Variants in RPH3AL observed in about 807,000 individuals in gnomAD.
RPH3AL encodes the protein rab effector Noc2.
In RPH3AL, 38 loss-of-function variants were observed where a neutral mutation model predicts 43.1. The ratio of observed to expected loss-of-function variants is 0.88; its 90% CI spans 0.68 to 1.15. The LOEUF is 1.15. Among genes scored for constraint, RPH3AL ranks in the 50% most tolerant of loss-of-function variants. The pLI is 0.00. For synonymous variants in RPH3AL, 189 were observed against 176.3 expected (o/e 1.07, Z -0.57); for missense variants, 462 against 423.2 (o/e 1.09, Z -0.81).
intron 2 of RPH3AL, chr17:331,475 G>A (rs894753041): frequency 3.4e-5 from 33 of 966,630 alleles, no homozygotes; most frequent in African/African-American, 1.2e-4. Context: ...GCTCTGGGAC[G>A]GCTGTGCACC....
chr17:258,494 G>A (rs2042119581), intron 6 of RPH3AL, among the ~76,000 whole-genome samples: 1 of 152,180 alleles, frequency 6.6e-6, no homozygotes, highest in African/African-American at 2.4e-5. Context: ...GGGTGTGCTG[G>A]TGGGGAGGAA....
chr17:244,378 C>A (rs914823014), intron 7 of RPH3AL, among the ~76,000 whole-genome samples: 1 of 151,116 alleles, frequency 6.6e-6, no homozygotes, highest in Non-Finnish European at 1.5e-5. Context: ...GCTACAGGTG[C>A]ATGAGCCTAA....
At chr17:273,212 G>T (rs62052701) in intron 6 of RPH3AL, among the ~76,000 whole-genome samples, 142 of 1,874 alleles carry the variant, frequency 0.076, 26 homozygotes, top group East Asian at 0.44. Context: ...CGAGGGTGAC[G>T]TCAGGGTGAG....
rs557136597 is a variant in RPH3AL at position 276,816 on chromosome 17, T to G, written c.438+4952A>C. Among the ~76,000 whole-genome samples, 125 of 152,334 alleles carry G rather than the reference T, an allele frequency of 8.2e-4. 1 individual carries two copies. Among genetic ancestry groups the G allele is most frequent in the African/African-American group, 2.9e-3 (122 of 41,582 alleles). On this transcript the variant is annotated intron_variant, in intron 6 of 9. Transcript: ENST00000331302. ...AGCTGTTATATTTTCCATTTCTCCCTCTTTTCTTAATGTGGCTGGTGGACA... is the reference window on the plus strand; with the variant it reads ...AGCTGTTATATTTTCCATTTCTCCCGCTTTTCTTAATGTGGCTGGTGGACA...
chr17:327,018 C>A (rs550296331), intron 3 of RPH3AL, among the ~76,000 whole-genome samples: 1 of 152,218 alleles, frequency 6.6e-6, no homozygotes, highest in Non-Finnish European at 1.5e-5. Context: ...TTTGTTCCCC[C>A]GTCTGACAGT....
At chr17:276,762 G>A (rs190695461) in intron 6 of RPH3AL, among the ~76,000 whole-genome samples, 16 of 151,830 alleles carry the variant, frequency 1.1e-4, no homozygotes, top group African/African-American at 3.1e-4. Context: ...TTCACTATTC[G>A]CTCTCATTTT....
intron 2 of RPH3AL, chr17:332,363 C>A: frequency 5.6e-6 from 1 of 177,640 alleles, no homozygotes; most frequent in Admixed American, 5.4e-5. Context: ...GCAAGCCCCT[C>A]GTGGAGAGGG....
intron 5 of RPH3AL, among the ~76,000 whole-genome samples, chr17:312,958 C>G (rs2043680118): frequency 6.6e-6 from 1 of 152,190 alleles, no homozygotes; most frequent in African/African-American, 2.4e-5. Context: ...GAGTCCCTCC[C>G]ATCTGGGCAG....
chr17:260,487 C>T (rs1404543423), intron 6 of RPH3AL, among the ~76,000 whole-genome samples: 1 of 152,216 alleles, frequency 6.6e-6, no homozygotes, highest in Non-Finnish European at 1.5e-5. Flanking sequence ...AGCAGAGGCA[C>T]TGTCTCCAGG....
chr17:235,322 C>G (rs868485147), intron 7 of RPH3AL, among the ~76,000 whole-genome samples: 1,329 of 131,338 alleles, frequency 0.01, 1 homozygote, highest in Middle Eastern at 0.021. Flanking sequence ...CTGGGGTCGG[C>G]CGAGGCTCTG....
chr17:284,555 G>A (rs536213509), intron 5 of RPH3AL, among the ~76,000 whole-genome samples: 31 of 151,982 alleles, frequency 2.0e-4, no homozygotes, highest in Non-Finnish European at 3.8e-4. Context: ...AACGGCCCAG[G>A]CTGGACAGTC....
intron 6 of RPH3AL, among the ~76,000 whole-genome samples, chr17:257,816 CTGT>C (rs2042093348): frequency 4.2e-5 from 1 of 23,924 alleles, no homozygotes; most frequent in Non-Finnish European, 8.8e-5. Flanking sequence ...CTGTCCTGTT[CTGT>C]CCCTAGGAAT....
At chr17:296,536 A>G (rs1376629087) in intron 5 of RPH3AL, among the ~76,000 whole-genome samples, 2 of 152,186 alleles carry the variant, frequency 1.3e-5, no homozygotes, top group Non-Finnish European at 1.5e-5. Context: ...CAGCTCCTGG[A>G]CCAGCTCCAC....
intron 5 of RPH3AL, among the ~76,000 whole-genome samples, chr17:305,170 T>C (rs2043452477): frequency 6.7e-6 from 1 of 148,468 alleles, no homozygotes; most frequent in African/African-American, 2.5e-5. Context: ...CCGGGGCGTC[T>C]GCACCACCAG....
intron 1 of RPH3AL, among the ~76,000 whole-genome samples, chr17:347,766 A>G (rs1392990017): frequency 6.6e-6 from 1 of 152,230 alleles, no homozygotes; most frequent in African/African-American, 2.4e-5. Context: ...ATATTTATTC[A>G]TAATTGCAAA....
rs1012528480 is a variant in RPH3AL at position 213,841 on chromosome 17, C to A, written c.*11G>T. ...CCTCCACAGGGAAGTCTGTTCCAGG[C>A]ACCAGACACCTCAGCCCAGGCAGCT... On this transcript the variant is annotated 3_prime_UTR_variant, in exon 10 of 10. Coordinates refer to ENST00000331302, the MANE Select transcript of RPH3AL (RefSeq NM_006987.4). 2.5e-6 allele frequency: 4 copies of A among 1,608,944 alleles called. No individual in the cohort carries two copies. The African/African-American group carries it at 5.3e-5, about 21-fold the overall frequency.
chr17:291,230 GAGT>G (rs1448256914), intron 5 of RPH3AL, among the ~76,000 whole-genome samples: 1 of 152,066 alleles, frequency 6.6e-6, no homozygotes. Flanking sequence ...CCATTGAACG[GAGT>G]AGTTTATCCA....
intron 5 of RPH3AL, among the ~76,000 whole-genome samples, chr17:293,498 G>A (rs2043095653): frequency 1.3e-5 from 2 of 152,110 alleles, no homozygotes; most frequent in Non-Finnish European, 2.9e-5. Context: ...GGGCAGCGGG[G>A]TCCAGGGGCC....
chr17:335,845 C>G (rs1021395221), intron 1 of RPH3AL: 4 of 152,226 alleles, frequency 2.6e-5, no homozygotes, highest in African/African-American at 9.6e-5. Flanking sequence ...ATCCCAAGTG[C>G]TAAATCTGAG....
Sources: allele counts gnomAD v4.1 joint callset (sites outside exome capture counted in the v4.1 genomes callset), GRCh38; gene constraint gnomAD v4.1.1; transcripts MANE v1.5; gene names NCBI Gene and HGNC (gene_info 2026-07-23, HGNC 2026-07-21).